Variants in DOK6 observed in about 807,000 individuals in gnomAD.
DOK6 encodes docking protein 6, also known as downstream of tyrosine kinase 6.
DOK6 carries 22 observed loss-of-function variants against 44.0 expected under a neutral mutation model. The observed-to-expected ratio is 0.50, with a 90% CI of 0.36 to 0.71. DOK6 has a LOEUF of 0.71. Ranked by LOEUF, DOK6 falls within the 30% of genes least tolerant of loss-of-function variation. DOK6 has a pLI of 0.00. For missense variants in DOK6, 340 were observed against 416.4 expected (o/e 0.82, Z 1.60); for synonymous variants, 166 against 145.5 (o/e 1.14, Z -1.01).
chr18:69,625,820 TTTTG>T (rs1002992915), intron 3 of DOK6, among the ~76,000 whole-genome samples: 104 of 152,360 alleles, frequency 6.8e-4, no homozygotes, highest in African/African-American at 2.2e-3. Context: ...GAAACCAGTT[TTTTG>T]TTTGTTTGTT....
chr18:69,729,133 CACAT>C (rs1434905620), intron 5 of DOK6, among the ~76,000 whole-genome samples: 1 of 151,936 alleles, frequency 6.6e-6, no homozygotes, highest in African/African-American at 2.4e-5. Flanking sequence ...CACACATAAA[CACAT>C]ATATATAATA....
At chr18:69,525,145 TTG>T (rs1310612582) in intron 1 of DOK6, among the ~76,000 whole-genome samples, 2 of 151,884 alleles carry the variant, frequency 1.3e-5, no homozygotes, top group Non-Finnish European at 2.9e-5. Flanking sequence ...GGAAAATGAC[TTG>T]ATTTTGCTAA....
At chr18:69,646,183 T>G (rs1985068360) in intron 3 of DOK6, among the ~76,000 whole-genome samples, 1 of 152,200 alleles carries the variant, frequency 6.6e-6, no homozygotes, top group Non-Finnish European at 1.5e-5. Context: ...TCTTGGGTTA[T>G]TGTTTTAAAT....
At chr18:69,554,207 C>T (rs187348496) in intron 1 of DOK6, among the ~76,000 whole-genome samples, 7 of 152,208 alleles carry the variant, frequency 4.6e-5, no homozygotes, top group South Asian at 2.1e-4. Flanking sequence ...AGTGTACATG[C>T]GAATTATATC....
intron 6 of DOK6, among the ~76,000 whole-genome samples, chr18:69,750,204 C>A (rs1979130407): frequency 6.6e-6 from 1 of 151,698 alleles, no homozygotes; most frequent in Non-Finnish European, 1.5e-5. Context: ...CCTAGGAGAA[C>A]ACAGAAGAGA....
intron 1 of DOK6, among the ~76,000 whole-genome samples, chr18:69,459,613 T>TG (rs1353915698): frequency 6.6e-6 from 1 of 152,186 alleles, no homozygotes; most frequent in Non-Finnish European, 1.5e-5. Flanking sequence ...CTCACTGTCA[T>TG]GGTCATTGTT....
At chr18:69,567,497 A>G (rs369400241) in intron 2 of DOK6, among the ~76,000 whole-genome samples, 1 of 152,170 alleles carries the variant, frequency 6.6e-6, no homozygotes, top group South Asian at 2.1e-4. Context: ...TGAGGCAGGA[A>G]CAATTCGGTG....
intron 7 of DOK6, among the ~76,000 whole-genome samples, chr18:69,772,484 C>T (rs960859490): frequency 1.3e-5 from 2 of 151,944 alleles, no homozygotes; most frequent in African/African-American, 4.8e-5. Flanking sequence ...ATAATTAAAG[C>T]AATATGCTTA....
chr18:69,531,608 G>A (rs1032435323), intron 1 of DOK6, among the ~76,000 whole-genome samples: 4 of 151,962 alleles, frequency 2.6e-5, no homozygotes, highest in Non-Finnish European at 4.4e-5. Flanking sequence ...TGTAGTTCAC[G>A]AAATTATTTC....
At chr18:69,435,068 A>AAGG in intron 1 of DOK6, among the ~76,000 whole-genome samples, 1 of 150,684 alleles carries the variant, frequency 6.6e-6, no homozygotes, top group East Asian at 2.0e-4. Context: ...GGAAGGAAGG[A>AAGG]AGGAAGGAAG....
At chr18:69,514,917 T>C (rs1981477077) in intron 1 of DOK6, among the ~76,000 whole-genome samples, 1 of 152,012 alleles carries the variant, frequency 6.6e-6, no homozygotes, top group African/African-American at 2.4e-5. Context: ...TGTTGTCTTC[T>C]GTTCATAGCC....
chr18:69,812,322 G>T (rs1028809901), intron 7 of DOK6, among the ~76,000 whole-genome samples: 4 of 152,094 alleles, frequency 2.6e-5, no homozygotes, highest in Non-Finnish European at 5.9e-5. Context: ...GGAATATAGT[G>T]ATAATACTGT....
intron 1 of DOK6, among the ~76,000 whole-genome samples, chr18:69,537,259 C>T (rs1982149995): frequency 6.6e-6 from 1 of 152,126 alleles, no homozygotes; most frequent in African/African-American, 2.4e-5. Flanking sequence ...CTGATATTGC[C>T]TGGTTAACTC....
intron 3 of DOK6, among the ~76,000 whole-genome samples, chr18:69,604,438 C>A (rs9957193): frequency 6.6e-6 from 1 of 152,138 alleles, no homozygotes; most frequent in Non-Finnish European, 1.5e-5. Flanking sequence ...TTCCTGACAA[C>A]GTGGCTGAAG....
chr18:69,455,325 A>G (rs59148099), intron 1 of DOK6, among the ~76,000 whole-genome samples: 30,451 of 152,112 alleles, frequency 0.2, 3,361 homozygotes, highest in South Asian at 0.31. Flanking sequence ...GCAAAATAAC[A>G]CTGAAAGGCA....
At chr18:69,685,120 C>T (rs1269474076) in intron 4 of DOK6, among the ~76,000 whole-genome samples, 2 of 152,004 alleles carry the variant, frequency 1.3e-5, no homozygotes, top group Non-Finnish European at 2.9e-5. Context: ...CCTCATTTGA[C>T]AGAAAATTAA....
intron 1 of DOK6, among the ~76,000 whole-genome samples, chr18:69,443,408 T>C (rs906883320): frequency 6.6e-6 from 1 of 152,098 alleles, no homozygotes. Context: ...CCTCAGCAAA[T>C]TTATCTTCTC....
At chr18:69,641,840 C>A (rs4390687) in intron 3 of DOK6, among the ~76,000 whole-genome samples, 73,054 of 151,684 alleles carry the variant, frequency 0.48, 18,184 homozygotes, top group Admixed American at 0.57. Flanking sequence ...AACACACACA[C>A]AAAAAAAGAT....
chr18:69,698,303 C>A, intron 4 of DOK6, 101 bp from the exon 5 acceptor site: 2 of 1,060,452 alleles, frequency 1.9e-6, no homozygotes, highest in Non-Finnish European at 2.7e-6. Context: ...AGGATGTGGT[C>A]ATGTTTCCTG....
Sources: allele counts gnomAD v4.1 joint callset (sites outside exome capture counted in the v4.1 genomes callset), GRCh38; gene constraint gnomAD v4.1.1; transcripts MANE v1.5; gene names NCBI Gene and HGNC (gene_info 2026-07-23, HGNC 2026-07-21).